Variants in SDC3 observed in about 807,000 individuals in gnomAD.
The protein encoded by SDC3 is syndecan 3.
SDC3 carries 13 observed loss-of-function variants against 24.4 expected under a neutral mutation model. That is an observed-to-expected ratio of 0.53 (90% confidence interval 0.35 to 0.85). The LOEUF is 0.85. Ranked by LOEUF, SDC3 falls within the 40% of genes least tolerant of loss-of-function variation. SDC3 has a pLI of 0.01. For synonymous variants in SDC3, 295 were observed against 260.9 expected (o/e 1.13, Z -1.26); for missense variants, 571 against 584.5 (o/e 0.98, Z 0.24).
Position 30,869,771 on chromosome 1 carries a change from C to T in SDC3, c.*3440G>A, listed in dbSNP as rs575963004. On this transcript the variant is annotated 3_prime_UTR_variant, in exon 5 of 5. Transcript: ENST00000339394. ...TGGGGGAGGGAATGGCAGACCCCCA[C>T]CCACCCCAGGCAGGTTCTGTACAGG... 1.2e-4 allele frequency: 49 copies of T among 398,706 alleles called. No homozygotes were observed. In the South Asian group the frequency reaches 6.1e-3, roughly 50 times the overall value. 24.7% of individuals were successfully genotyped at this position (398,706 alleles called of 1,614,324 possible).
At chr1:30,904,933 C>T (rs556991010) in intron 1 of SDC3, among the ~76,000 whole-genome samples, 4 of 152,246 alleles carry the variant, frequency 2.6e-5, no homozygotes, top group South Asian at 4.1e-4. Flanking sequence ...CATTACTGTC[C>T]GCATTTTATA....
At chr1:30,887,453 C>G (rs747579774) in intron 1 of SDC3, among the ~76,000 whole-genome samples, 2 of 152,146 alleles carry the variant, frequency 1.3e-5, no homozygotes, top group Non-Finnish European at 2.9e-5. Flanking sequence ...CCAGCTGTCA[C>G]GTGCCTAGTG....
chr1:30,899,361 A>C (rs1638358882), intron 1 of SDC3, among the ~76,000 whole-genome samples: 1 of 152,074 alleles, frequency 6.6e-6, no homozygotes, highest in Admixed American at 6.6e-5. Context: ...TTGGGATTAC[A>C]GGCATGAGTC....
chr1:30,909,255 A>G (rs374153448), upstream of SDC3, among the ~76,000 whole-genome samples: 1 of 152,128 alleles, frequency 6.6e-6, no homozygotes, highest in Admixed American at 6.5e-5. Flanking sequence ...TGCCTCCAGG[A>G]CACCCAGGGG....
intron 1 of SDC3, among the ~76,000 whole-genome samples, chr1:30,890,851 C>G (rs1179156603): frequency 6.6e-6 from 1 of 152,184 alleles, no homozygotes; most frequent in African/African-American, 2.4e-5. Context: ...TCAGGTGAAG[C>G]CTCCACAGCC....
chr1:30,900,060 C>G (rs911564741), intron 1 of SDC3, among the ~76,000 whole-genome samples: 2 of 152,170 alleles, frequency 1.3e-5, no homozygotes, highest in African/African-American at 2.4e-5. Context: ...ACAGTCTGAT[C>G]GCCCTTTCTT....
chr1:30,883,774 G>T (rs1639780020), intron 1 of SDC3, among the ~76,000 whole-genome samples: 1 of 152,082 alleles, frequency 6.6e-6, no homozygotes, highest in African/African-American at 2.4e-5. Flanking sequence ...AAAGGAGGGG[G>T]CGGGGTTAGT....
intron 1 of SDC3, among the ~76,000 whole-genome samples, chr1:30,884,463 A>G (rs976992895): frequency 6.6e-6 from 1 of 151,896 alleles, no homozygotes; most frequent in Non-Finnish European, 1.5e-5. Context: ...CAAAGATATC[A>G]TGGCAGCAGA....
intron 1 of SDC3, among the ~76,000 whole-genome samples, chr1:30,898,124 G>A (rs986488000): frequency 3.3e-5 from 5 of 152,098 alleles, no homozygotes; most frequent in African/African-American, 1.2e-4. Context: ...CCTGGTGACT[G>A]TGTGTTAAAG....
intron 1 of SDC3, among the ~76,000 whole-genome samples, chr1:30,904,480 TTTTG>T (rs1166768068): frequency 6.6e-6 from 1 of 152,034 alleles, no homozygotes; most frequent in Non-Finnish European, 1.5e-5. Flanking sequence ...AGGCCATTTT[TTTTG>T]TTTTTTGTTT....
chr1:30,882,468 T>C (rs1033665267), intron 1 of SDC3, among the ~76,000 whole-genome samples: 7 of 151,952 alleles, frequency 4.6e-5, no homozygotes, highest in Admixed American at 2.0e-4. Flanking sequence ...ACCGATCCTC[T>C]CCTAGAGTTT....
intron 1 of SDC3, among the ~76,000 whole-genome samples, chr1:30,899,175 C>T (rs1039593784): frequency 1.2e-4 from 18 of 152,224 alleles, no homozygotes; most frequent in Non-Finnish European, 2.5e-4. Context: ...CAACCTCCAC[C>T]TCCCAGGATC....
intron 1 of SDC3, among the ~76,000 whole-genome samples, chr1:30,892,351 T>G (rs1055627192): frequency 7.9e-5 from 12 of 152,012 alleles, no homozygotes; most frequent in Non-Finnish European, 1.5e-4. Context: ...AGTAGGGACC[T>G]AGTCACACCA....
At chr1:30,877,479 G>A (rs1018912815) in intron 2 of SDC3, 31 of 564,962 alleles carry the variant, frequency 5.5e-5, no homozygotes, top group Non-Finnish European at 5.7e-5. Context: ...CAACTGAGGC[G>A]CTACTGGCTG....
chr1:30,909,266 C>T (rs758340092), upstream of SDC3, among the ~76,000 whole-genome samples: 3 of 152,186 alleles, frequency 2.0e-5, no homozygotes, highest in Non-Finnish European at 4.4e-5. Context: ...CACCCAGGGG[C>T]TGTGTGACCT....
At chr1:30,878,858 C>T in intron 1 of SDC3, 118 bp from the exon 2 acceptor site, 1 of 766,212 alleles carries the variant, frequency 1.3e-6, no homozygotes, top group Non-Finnish European at 2.3e-6. Context: ...TGACAGAGAT[C>T]TTGTGTGTAC....
At chr1:30,876,113 A>G (rs1477834130) in intron 3 of SDC3, among the ~76,000 whole-genome samples, 1 of 152,190 alleles carries the variant, frequency 6.6e-6, no homozygotes, top group African/African-American at 2.4e-5. Flanking sequence ...CACGCTCACA[A>G]TGAAATGATA....
At chr1:30,880,299 G>A (rs1428805287) in intron 1 of SDC3, among the ~76,000 whole-genome samples, 1 of 151,150 alleles carries the variant, frequency 6.6e-6, no homozygotes, top group Non-Finnish European at 1.5e-5. Flanking sequence ...TGACAGGGAA[G>A]GGGGAGGCAG....
rs572567699 is a variant in SDC3, at chr1:30,902,730, C to T, written c.138+5719G>A. On this transcript the variant is annotated intron_variant, in intron 1 of 4. Transcript: ENST00000339394. ...CAGAGCCACAGTCCCTCGGTCCTGC[C>T]CAGATGTGGTGGTGGCAGTGCCTTG... is the stretch of plus-strand genomic sequence containing the variant. 4.6e-5 allele frequency among the ~76,000 whole-genome samples: 7 copies of T among 152,310 alleles called. No homozygotes were observed. In the East Asian group the frequency reaches 1.4e-3, roughly 29 times the overall value.
Sources: gnomAD v4.1 joint callset for allele counts (sites outside exome capture counted in the v4.1 genomes callset) on GRCh38, gnomAD v4.1.1 for gene constraint, MANE v1.5 for transcripts, NCBI Gene and HGNC (gene_info 2026-07-23, HGNC 2026-07-21) for gene names.